TCF20: variants seen among roughly 807,000 people sequenced by gnomAD.
TCF20 encodes transcription factor 20, also known as SPRE-binding protein.
Under a neutral mutation model 148.6 loss-of-function variants are expected in TCF20, and 3 were observed. The observed-to-expected ratio is 0.02, with a 90% CI of 0.01 to 0.05. The LOEUF (loss-of-function observed/expected upper bound fraction) is 0.05, where lower values mean the gene tolerates loss of function less well. Among genes scored for constraint, TCF20 ranks in the 10% least tolerant of loss-of-function variants. TCF20 has a pLI of 1.00. For synonymous variants in TCF20, 1,049 were observed against 909.5 expected, an observed-to-expected ratio of 1.15 and a Z score of -2.76; for missense variants, 2,350 against 2,429.3, an observed-to-expected ratio of 0.97 and a Z score of 0.69.
intron 1 of TCF20, among the ~76,000 whole-genome samples, chr22:42,269,102 C>A (rs970808308): frequency 2.6e-5 from 4 of 152,196 alleles, no homozygotes; most frequent in African/African-American, 9.7e-5. Flanking sequence ...GATTCCTGGT[C>A]TCCCAGGTCG....
At chr22:42,232,244 G>A (rs1923482120) in intron 1 of TCF20, among the ~76,000 whole-genome samples, 1 of 152,130 alleles carries the variant, frequency 6.6e-6, no homozygotes, top group Non-Finnish European at 1.5e-5. Context: ...TATCCTAGGA[G>A]CAATAGGCTA....
intron 2 of TCF20, among the ~76,000 whole-genome samples, chr22:42,182,916 T>G (rs867675503): frequency 6.6e-6 from 1 of 152,192 alleles, no homozygotes; most frequent in Non-Finnish European, 1.5e-5. Flanking sequence ...TTTGTTTTTT[T>G]ACTAGAGACG....
chr22:42,301,760 A>T (rs1299108035), intron 1 of TCF20, among the ~76,000 whole-genome samples: 3 of 152,216 alleles, frequency 2.0e-5, no homozygotes, highest in Non-Finnish European at 1.5e-5. Context: ...CGTGGGGAAC[A>T]GGGGACTCCC....
chr22:42,313,597 C>CTTTTTT lies in TCF20; in HGVS notation c.-37+29876_-37+29881dup, dbSNP rs551146210. On this transcript the variant is annotated intron_variant, in intron 1 of 1. Coordinates refer to the TCF20 transcript ENST00000515426. ...CACTGCAGCCTCAACAGAATTCTTT[C>CTTTTTT]TTTTTTTTTTTTTTTTTTTTGAGAC... 2.5e-4 allele frequency among the ~76,000 whole-genome samples: 30 copies of CTTTTTT among 120,284 alleles called. 1 individual carries two copies. The highest frequency in any genetic ancestry group is 3.0e-4 in the Non-Finnish European group (18 of 59,492). The allele number at this position is 120,284 out of a possible 152,430, so 78.9% of individuals were successfully genotyped here.
intron 1 of TCF20, among the ~76,000 whole-genome samples, chr22:42,295,442 CTTTTTTTT>C (rs869294446): frequency 7.4e-6 from 1 of 134,636 alleles, no homozygotes; most frequent in African/African-American, 2.7e-5. Context: ...GTTTTCTTTT[CTTTTTTTT>C]TTTTTTTTTT....
Position 42,212,454 on chromosome 22 carries a change from C to T in TCF20, c.2852G>A (p.Cys951Tyr). 6.2e-7 allele frequency: 1 copy of T among 1,614,216 alleles called. No individual in the cohort carries two copies. The highest frequency in any genetic ancestry group is 8.5e-7 in the Non-Finnish European group (1 of 1,180,044). Residue 951 changes from cysteine to tyrosine, a missense_variant, in exon 2 of 6, where the codon TGC becomes TAC. Cys to Tyr is a radical substitution (Grantham distance 194). Around this residue, in one of 7 missense-constraint regions of TCF20, gnomAD observed 1,641 missense variants for 1,662.6 expected, o/e 0.99. Coordinates refer to ENST00000677622, the MANE Select transcript of TCF20 (RefSeq NM_001378418.1). ...CTCATGCTTGATGCTAGGAGGATGG[C>T]AGTGGTCTCCAGATTTCTTGTTGTT... ...SFNNKKSGDH[C>Y]HPPSIKHESY...
At chr22:42,228,870 AAAAATGAAATAGAGCAGAATGGAAAAT>A (rs1447075497) in intron 1 of TCF20, among the ~76,000 whole-genome samples, 1 of 152,254 alleles carries the variant, frequency 6.6e-6, no homozygotes, top group Non-Finnish European at 1.5e-5. Context: ...GCACTTAAAA[AAAAATGAAATAGAGCAGAATGGAAAAT>A]AACAGAGTCC....
intron 2 of TCF20, among the ~76,000 whole-genome samples, chr22:42,187,363 T>C (rs576638750): frequency 3.0e-4 from 46 of 152,336 alleles, no homozygotes; most frequent in African/African-American, 9.9e-4. Context: ...TCTCCTCCCA[T>C]AAAAGCCCCA....
chr22:42,199,454 G>A (rs1275301891), intron 2 of TCF20, among the ~76,000 whole-genome samples: 2 of 152,188 alleles, frequency 1.3e-5, no homozygotes, highest in South Asian at 4.2e-4. Flanking sequence ...GGGTACAACT[G>A]TGCACAACAG....
At chr22:42,165,153 A>T (rs997532466) in intron 5 of TCF20, among the ~76,000 whole-genome samples, 2 of 152,164 alleles carry the variant, frequency 1.3e-5, no homozygotes, top group Non-Finnish European at 1.5e-5. Context: ...TCTCCTCTGG[A>T]GGTGTAACCC....
At chr22:42,335,045 C>T (rs756855678) in intron 1 of TCF20, among the ~76,000 whole-genome samples, 42 of 152,260 alleles carry the variant, frequency 2.8e-4, no homozygotes, top group Non-Finnish European at 4.0e-4. Flanking sequence ...GCCTGACTTT[C>T]GTTCTGCATA....
chr22:42,216,079 CTTTTTTT>C lies in TCF20; in HGVS notation c.-36-745_-36-739del, dbSNP rs759118027. The stretch of plus-strand genomic sequence containing the variant: ...GGTGTGGGGTAAGAAAAACCAAATC[CTTTTTTT>C]TTTTTTTTTTTTTTTTTTTTTGAGA... On this transcript the variant is annotated intron_variant, in intron 1 of 5. Transcript: ENST00000677622. Among the ~76,000 whole-genome samples the C allele has an allele frequency of 9.9e-3, 503 of 50,600 alleles. 13 individuals are homozygous for C. Among genetic ancestry groups the C allele is most frequent in the African/African-American group, 0.038 (450 of 11,858 alleles). 33.2% of individuals were successfully genotyped at this position (50,600 alleles called of 152,430 possible). A position where few individuals can be genotyped will look rare whatever the true frequency, so the allele number is the denominator to read the frequency against.
rs543864621 is a variant in TCF20 at position 42,172,739 on chromosome 22, T to C, written c.5750-2843A>G. ...GGTAGGAAAAACAAGAAGGGTTTAATGTCCTTTGGATCTGTTGTGTAGCAG... is the reference window on the plus strand; with the variant it reads ...GGTAGGAAAAACAAGAAGGGTTTAACGTCCTTTGGATCTGTTGTGTAGCAG... On this transcript the variant is annotated intron_variant, in intron 3 of 5. Transcript: ENST00000677622. 2.4e-4 allele frequency among the ~76,000 whole-genome samples: 37 copies of C among 152,372 alleles called. 1 individual carries two copies. In the South Asian group the frequency reaches 4.8e-3, roughly 20 times the overall value.
intron 1 of TCF20, among the ~76,000 whole-genome samples, chr22:42,239,711 C>G (rs1601643920): frequency 6.6e-6 from 1 of 152,158 alleles, no homozygotes; most frequent in East Asian, 1.9e-4. Context: ...CGCTAGAACC[C>G]AGGAGGTGGA....
chr22:42,302,813 C>T (rs988734932), intron 1 of TCF20, among the ~76,000 whole-genome samples: 3 of 152,246 alleles, frequency 2.0e-5, no homozygotes, highest in African/African-American at 2.4e-5. Context: ...GTGTGCCCCA[C>T]GCCTGGGTGC....
At chr22:42,266,866 C>T (rs1382103533) in intron 1 of TCF20, among the ~76,000 whole-genome samples, 1 of 152,234 alleles carries the variant, frequency 6.6e-6, no homozygotes, top group African/African-American at 2.4e-5. Context: ...TTGGCAACCT[C>T]TCACGTGAAT....
chr22:42,309,755 C>T (rs535046717), intron 1 of TCF20, among the ~76,000 whole-genome samples: 1 of 152,374 alleles, frequency 6.6e-6, no homozygotes, highest in East Asian at 1.9e-4. Context: ...TCTGGCTTTT[C>T]ATGTCAGCTG....
At chr22:42,226,765 A>G (rs1007319567) in intron 1 of TCF20, among the ~76,000 whole-genome samples, 2 of 152,186 alleles carry the variant, frequency 1.3e-5, no homozygotes. Context: ...AATTCAAAAG[A>G]TATCAATGAC....
chr22:42,185,087 A>C (rs1248542380), intron 2 of TCF20, among the ~76,000 whole-genome samples: 3 of 152,212 alleles, frequency 2.0e-5, no homozygotes, highest in Non-Finnish European at 4.4e-5. Flanking sequence ...TTCTTATGAG[A>C]TATAACAGCA....
Sources: gnomAD v4.1 joint callset for allele counts (sites outside exome capture counted in the v4.1 genomes callset) on GRCh38, gnomAD v4.1.1 for gene constraint, gnomAD v4.1.1 regional missense constraint, MANE v1.5 for transcripts, NCBI Gene and HGNC (gene_info 2026-07-23, HGNC 2026-07-21) for gene names.